Variants in NALF1 observed in about 807,000 individuals in gnomAD.
NALF1 encodes the protein family with sequence similarity 155 member A.
In NALF1, 3 loss-of-function variants were observed where a neutral mutation model predicts 48.4. That is an observed-to-expected ratio of 0.06 (90% confidence interval 0.03 to 0.16). The LOEUF is 0.16. Ranked by LOEUF, NALF1 falls within the 10% of genes least tolerant of loss-of-function variation. The probability of loss-of-function intolerance (pLI) is 1.00; values close to 1 mark genes in which losing one functional copy is unlikely to be tolerated. For missense variants in NALF1, 526 were observed against 571.5 expected, an observed-to-expected ratio of 0.92 and a Z score of 0.81; for synonymous variants, 262 against 245.7, an observed-to-expected ratio of 1.07 and a Z score of -0.62.
chr13:107,221,390 CA>C (rs1173604466), intron 1 of NALF1, among the ~76,000 whole-genome samples: 1 of 152,104 alleles, frequency 6.6e-6, no homozygotes, highest in Admixed American at 6.6e-5. Flanking sequence ...CCAGCCTGGC[CA>C]ACCTGGCAAA....
intron 1 of NALF1, among the ~76,000 whole-genome samples, chr13:107,663,279 T>C (rs1189309867): frequency 6.6e-6 from 1 of 152,204 alleles, no homozygotes; most frequent in Non-Finnish European, 1.5e-5. Context: ...ATCAGTTCCT[T>C]AGGGGACAAA....
chr13:107,676,846 T>C (rs1166084373), intron 1 of NALF1, among the ~76,000 whole-genome samples: 4 of 152,148 alleles, frequency 2.6e-5, no homozygotes, highest in Non-Finnish European at 4.4e-5. Context: ...TTAAAAATCA[T>C]ATAAATCATC....
At chr13:107,615,532 T>A (rs908933727) in intron 1 of NALF1, among the ~76,000 whole-genome samples, 1 of 152,206 alleles carries the variant, frequency 6.6e-6, no homozygotes, top group Non-Finnish European at 1.5e-5. Context: ...GATGATGGTG[T>A]GCCAAAATAT....
chr13:107,431,316 C>A (rs868033392), intron 1 of NALF1, among the ~76,000 whole-genome samples: 5 of 152,132 alleles, frequency 3.3e-5, no homozygotes, highest in African/African-American at 1.2e-4. Flanking sequence ...TGGGTCTCTC[C>A]GTTTGCTTGA....
At chr13:107,209,785 T>C (rs996032019) in intron 2 of NALF1, among the ~76,000 whole-genome samples, 1 of 152,164 alleles carries the variant, frequency 6.6e-6, no homozygotes, top group Non-Finnish European at 1.5e-5. Context: ...TTGAGCCACG[T>C]AATTCCAGGG....
chr13:107,270,276 T>TA (rs1198478493), intron 1 of NALF1, among the ~76,000 whole-genome samples: 1 of 152,116 alleles, frequency 6.6e-6, no homozygotes, highest in African/African-American at 2.4e-5. Flanking sequence ...GAACAAATCC[T>TA]AAAGACCAAT....
At chr13:107,192,259 TCTGACCCAAAGACC>T (rs1230831829) in intron 2 of NALF1, among the ~76,000 whole-genome samples, 1 of 151,886 alleles carries the variant, frequency 6.6e-6, no homozygotes, top group Non-Finnish European at 1.5e-5. Context: ...GCTGTGGGGG[TCTGACCCAAAGACC>T]CTGACCCAAA....
At chr13:107,785,197 T>G (rs560480593) in intron 1 of NALF1, among the ~76,000 whole-genome samples, 20 of 152,182 alleles carry the variant, frequency 1.3e-4, no homozygotes, top group African/African-American at 4.6e-4. Context: ...CTGTGAGAGA[T>G]GCACTCACTT....
intron 1 of NALF1, among the ~76,000 whole-genome samples, chr13:107,672,656 C>T (rs1404081225): frequency 1.3e-5 from 2 of 152,108 alleles, no homozygotes; most frequent in Non-Finnish European, 2.9e-5. Flanking sequence ...TTCTTTTTCT[C>T]ATTATTTCAA....
intron 1 of NALF1, among the ~76,000 whole-genome samples, chr13:107,508,997 G>A (rs987188587): frequency 2.6e-5 from 4 of 152,030 alleles, no homozygotes; most frequent in South Asian, 2.1e-4. Context: ...GATTATTTGC[G>A]AATTGTATTT....
At chr13:107,864,140 T>C (rs1458946556) in intron 1 of NALF1, among the ~76,000 whole-genome samples, 1 of 152,232 alleles carries the variant, frequency 6.6e-6, no homozygotes, top group African/African-American at 2.4e-5. Context: ...TATTAATTTC[T>C]ACCATTAAAG....
intron 1 of NALF1, among the ~76,000 whole-genome samples, chr13:107,299,838 C>T (rs114491258): frequency 6.6e-6 from 1 of 152,190 alleles, no homozygotes; most frequent in African/African-American, 2.4e-5. Context: ...GGAATTTCTC[C>T]TGTTCATCTG....
chr13:107,431,935 A>G (rs1884388804), intron 1 of NALF1, among the ~76,000 whole-genome samples: 2 of 152,170 alleles, frequency 1.3e-5, no homozygotes, highest in South Asian at 2.1e-4. Flanking sequence ...AACATGAGGG[A>G]CCACTTCATT....
chr13:107,604,214 T>C (rs531979565), intron 1 of NALF1, among the ~76,000 whole-genome samples: 14 of 152,196 alleles, frequency 9.2e-5, no homozygotes, highest in Non-Finnish European at 1.9e-4. Context: ...CCAATAATCG[T>C]TTCCCAAATG....
rs7331127 is a variant in NALF1 at position 107,209,302 on chromosome 13, T to C, written c.1087+1282A>G. The stretch of plus-strand genomic sequence containing the variant: ...AGGGTGGATCACTTGAGGTCAGGAG[T>C]TGGAGACCAGCCTGGCCAACACGGT... On this transcript the variant is annotated intron_variant, in intron 2 of 2. Transcript: ENST00000375915. Among the ~76,000 whole-genome samples, 965 of 151,900 alleles carry C rather than the reference T, an allele frequency of 6.4e-3. 7 individuals carry two copies. Among genetic ancestry groups the C allele is most frequent in the African/African-American group, 0.02 (839 of 41,410 alleles).
intron 1 of NALF1, among the ~76,000 whole-genome samples, chr13:107,306,122 T>C (rs1219708131): frequency 6.6e-6 from 1 of 152,210 alleles, no homozygotes; most frequent in East Asian, 1.9e-4. Context: ...TGAAAATTTC[T>C]AGAACCATAA....
chr13:107,376,021 A>G (rs1302631036), intron 1 of NALF1, among the ~76,000 whole-genome samples: 4 of 152,118 alleles, frequency 2.6e-5, no homozygotes, highest in East Asian at 1.9e-4. Flanking sequence ...CTGAGGCTAG[A>G]TCATGAAGAA....
At chr13:107,184,753 T>C (rs911334330) in intron 2 of NALF1, among the ~76,000 whole-genome samples, 1 of 152,240 alleles carries the variant, frequency 6.6e-6, no homozygotes, top group Non-Finnish European at 1.5e-5. Flanking sequence ...GTCTCAAATA[T>C]ATGCTATTAT....
At chr13:107,701,159 C>T (rs1329305763) in intron 1 of NALF1, among the ~76,000 whole-genome samples, 1 of 152,142 alleles carries the variant, frequency 6.6e-6, no homozygotes, top group Admixed American at 6.5e-5. Context: ...GATGAAATCA[C>T]CACCTCATAA....
Sources: allele counts gnomAD v4.1 joint callset (sites outside exome capture counted in the v4.1 genomes callset), GRCh38; gene constraint gnomAD v4.1.1; transcripts MANE v1.5; gene names NCBI Gene and HGNC (gene_info 2026-07-23, HGNC 2026-07-21).